The following PDE10A variants were observed in gnomAD, a reference collection of about 807,000 sequenced individuals.
PDE10A encodes cAMP and cAMP-inhibited cGMP 3',5'-cyclic phosphodiesterase 10A.
In PDE10A, 39 loss-of-function variants were observed where a neutral mutation model predicts 97.7. The ratio of observed to expected loss-of-function variants is 0.40; its 90% confidence interval spans 0.31 to 0.52. The LOEUF (loss-of-function observed/expected upper bound fraction) is 0.52, where lower values mean the gene tolerates loss of function less well. PDE10A is among the 20% of genes least tolerant of loss of function. The pLI is 0.56. For synonymous variants in PDE10A, 371 were observed against 376.8 expected (o/e 0.98, Z 0.18); for missense variants, 731 against 1,047.8 (o/e 0.70, Z 4.17).
Position 165,863,612 on chromosome 6 carries a change from C to T in PDE10A, c.-615+123917G>A, listed in dbSNP as rs569689781. On this transcript the variant is annotated intron_variant, in intron 1 of 19. Transcript: ENST00000366882. ...TAAAACTTTTATAAAAGTTCCTTGGCGCTAATTTTTAAATTTTTATTTATA... is the reference window on the plus strand; with the variant it reads ...TAAAACTTTTATAAAAGTTCCTTGGTGCTAATTTTTAAATTTTTATTTATA... Among the ~76,000 whole-genome samples the T allele has an allele frequency of 2.7e-3, 412 of 152,118 alleles. 1 individual carries two copies. Among genetic ancestry groups the T allele is most frequent in the African/African-American group, 5.1e-3 (212 of 41,490 alleles).
At chr6:165,556,505 A>G (rs1227567521) in intron 1 of PDE10A, among the ~76,000 whole-genome samples, 2 of 152,212 alleles carry the variant, frequency 1.3e-5, no homozygotes, top group African/African-American at 4.8e-5. Context: ...AAAGGGGACA[A>G]TAGTCATTAA....
At position 165,726,051 on chromosome 6, in the gene PDE10A, C is replaced by T. The variant is rs573002851; in HGVS notation, c.-614-182483G>A. On this transcript the variant is annotated intron_variant, in intron 1 of 19. Transcript: ENST00000366882. The stretch of plus-strand genomic sequence containing the variant: ...TATGGTCTTAGAAATAAAAGCTCTA[C>T]TTCCACTTGATTTAATATAGACAAG... 9.8e-5 allele frequency among the ~76,000 whole-genome samples: 15 copies of T among 152,296 alleles called. No homozygotes were observed. The South Asian group carries it at 2.9e-3, about 29-fold the overall frequency.
chr6:165,802,108 A>T (rs1226645194), intron 1 of PDE10A, among the ~76,000 whole-genome samples: 2 of 152,220 alleles, frequency 1.3e-5, no homozygotes, highest in Non-Finnish European at 2.9e-5. Flanking sequence ...AAACAGTGAC[A>T]AGGGCTACAG....
intron 1 of PDE10A, among the ~76,000 whole-genome samples, chr6:165,643,170 G>A (rs1789221349): frequency 6.6e-6 from 1 of 152,186 alleles, no homozygotes; most frequent in Admixed American, 6.5e-5. Flanking sequence ...GAGGACGGAT[G>A]GTGGGTAGAT....
chr6:165,888,695 C>T (rs1340715811), intron 1 of PDE10A, among the ~76,000 whole-genome samples: 2 of 152,160 alleles, frequency 1.3e-5, no homozygotes, highest in Non-Finnish European at 2.9e-5. Flanking sequence ...CAGTGTCCGG[C>T]TCAGAGCAAT....
At position 165,576,576 on chromosome 6, in the gene PDE10A, C is replaced by T. The variant is rs529163096; in HGVS notation, c.866-33008G>A. 2.7e-5 allele frequency: 18 copies of T among 678,348 alleles called. No homozygotes were observed. The South Asian group carries it at 3.1e-4, about 12-fold the overall frequency. 42.0% of individuals were successfully genotyped at this position (678,348 alleles called of 1,614,324 possible). ...CAAAACAAAAAAATCAAATAACTAA[C>T]AGATAATTCTCAGCATGGCTACACT... On this transcript the variant is annotated intron_variant, in intron 1 of 21. Coordinates refer to ENST00000539869, the MANE Select transcript of PDE10A (RefSeq NM_001385079.1).
intron 2 of PDE10A, among the ~76,000 whole-genome samples, chr6:165,516,267 C>T (rs556196588): frequency 1.3e-5 from 2 of 152,228 alleles, no homozygotes; most frequent in South Asian, 4.1e-4. Flanking sequence ...TCTTAATACT[C>T]CCATGTTAAA....
intron 1 of PDE10A, among the ~76,000 whole-genome samples, chr6:165,901,207 G>A (rs115711750): frequency 1.4e-3 from 220 of 152,238 alleles, no homozygotes; most frequent in African/African-American, 5.1e-3. Context: ...CTCCTGGCTC[G>A]ATGCCCAGCA....
At chr6:165,383,942 G>T (rs1304541805) in intron 17 of PDE10A, among the ~76,000 whole-genome samples, 1 of 152,036 alleles carries the variant, frequency 6.6e-6, no homozygotes. Context: ...CATGTAGAGA[G>T]AACCCGGCCA....
chr6:165,640,855 AT>A, intron 1 of PDE10A, among the ~76,000 whole-genome samples: 1 of 152,258 alleles, frequency 6.6e-6, no homozygotes, highest in East Asian at 1.9e-4. Flanking sequence ...AAGAAGTATG[AT>A]AATTTTGCAT....
chr6:165,805,576 CCCTCGGCCTCCTTCAACT>C (rs1462999607), intron 1 of PDE10A, among the ~76,000 whole-genome samples: 1 of 152,094 alleles, frequency 6.6e-6, no homozygotes, highest in Admixed American at 6.5e-5. Flanking sequence ...ACTTCCCCGA[CCCTCGGCCTCCTTCAACT>C]CTATGTACAG....
rs188635837 is a variant in PDE10A, at chr6:165,501,496, C to T, written c.995-19153G>A. 1.2e-3 allele frequency among the ~76,000 whole-genome samples: 188 copies of T among 152,062 alleles called. 2 individuals are homozygous for T. The highest frequency in any genetic ancestry group is 0.01 in the Middle Eastern group (3 of 294). ...GCTGAGGCAGGAGAATGGCGTGAAC[C>T]CAGGAGGTGGAGCTTGCAGTGAGCA... On this transcript the variant is annotated intron_variant, in intron 2 of 21. Transcript: ENST00000539869.
At chr6:165,601,275 C>G (rs1424132397) in intron 1 of PDE10A, among the ~76,000 whole-genome samples, 1 of 152,226 alleles carries the variant, frequency 6.6e-6, no homozygotes, top group Non-Finnish European at 1.5e-5. Flanking sequence ...TTAAACCTCT[C>G]TTTCTTCCCA....
chr6:165,534,311 CA>C (rs71029552), intron 2 of PDE10A, among the ~76,000 whole-genome samples: 12,273 of 130,676 alleles, frequency 0.094, 559 homozygotes, highest in Middle Eastern at 0.13. Context: ...AGTCTTCCAT[CA>C]AAAAAAAAAA....
intron 20 of PDE10A, among the ~76,000 whole-genome samples, chr6:165,338,630 C>A (rs761386581): frequency 6.6e-6 from 1 of 152,192 alleles, no homozygotes; most frequent in Non-Finnish European, 1.5e-5. Context: ...GAATTAAAAT[C>A]TATAATGTAA....
chr6:165,639,763 G>A (rs12194265), intron 1 of PDE10A, among the ~76,000 whole-genome samples: 46,478 of 144,810 alleles, frequency 0.32, 8,573 homozygotes, highest in East Asian at 0.65. Context: ...AAAAAAGAGA[G>A]AGAGACATAA....
At chr6:165,532,423 T>C (rs765907601) in intron 2 of PDE10A, among the ~76,000 whole-genome samples, 2 of 151,876 alleles carry the variant, frequency 1.3e-5, no homozygotes, top group Non-Finnish European at 2.9e-5. Flanking sequence ...AGTAAGCAAC[T>C]AATTAGACCA....
intron 1 of PDE10A, among the ~76,000 whole-genome samples, chr6:165,650,257 T>C (rs1007501377): frequency 1.3e-5 from 2 of 152,206 alleles, no homozygotes; most frequent in Non-Finnish European, 2.9e-5. Context: ...TTCTGAAATT[T>C]AATTTTTGAA....
At chr6:165,693,302 G>A (rs1028748511) in intron 1 of PDE10A, among the ~76,000 whole-genome samples, 1 of 152,024 alleles carries the variant, frequency 6.6e-6, no homozygotes, top group African/African-American at 2.4e-5. Context: ...AGGCCTAGGT[G>A]GGTGGATCAT....
Sources: gnomAD v4.1 joint callset for allele counts (sites outside exome capture counted in the v4.1 genomes callset) on GRCh38, gnomAD v4.1.1 for gene constraint, MANE v1.5 for transcripts, NCBI Gene and HGNC (gene_info 2026-07-23, HGNC 2026-07-21) for gene names.